KCNIP4: variants seen among roughly 807,000 people sequenced by gnomAD.
The protein encoded by KCNIP4 is potassium voltage-gated channel interacting protein 4, also known as Kv channel-interacting protein 4.
In KCNIP4, 12 loss-of-function variants were observed where a neutral mutation model predicts 34.0. That is an observed-to-expected ratio of 0.35 (90% CI 0.23 to 0.57). The LOEUF (loss-of-function observed/expected upper bound fraction) is 0.57. KCNIP4 is among the 20% of genes least tolerant of loss of function. The pLI is 0.83. For missense variants in KCNIP4, 238 were observed against 311.7 expected (o/e 0.76, Z 1.78); for synonymous variants, 124 against 102.2 (o/e 1.21, Z -1.29).
chr4:21,189,484 G>T (rs1207985876), intron 1 of KCNIP4, among the ~76,000 whole-genome samples: 1 of 152,154 alleles, frequency 6.6e-6, no homozygotes, highest in East Asian at 1.9e-4. Flanking sequence ...AGCAGTTTCT[G>T]ATCCATGCCA....
At chr4:21,683,992 G>A (rs770597679) in intron 1 of KCNIP4, among the ~76,000 whole-genome samples, 6 of 151,992 alleles carry the variant, frequency 3.9e-5, no homozygotes, top group Non-Finnish European at 8.8e-5. Flanking sequence ...GAGGGTGGGA[G>A]GAGGGAGAGG....
intron 1 of KCNIP4, among the ~76,000 whole-genome samples, chr4:21,669,472 T>TATAAAATAC (rs1370162900): frequency 1.3e-5 from 2 of 152,202 alleles, no homozygotes; most frequent in African/African-American, 2.4e-5. Context: ...ACATGTAACA[T>TATAAAATAC]ATAAAATACA....
intron 1 of KCNIP4, among the ~76,000 whole-genome samples, chr4:21,152,627 C>T (rs956012280): frequency 1.3e-5 from 2 of 151,970 alleles, no homozygotes; most frequent in African/African-American, 4.8e-5. Context: ...GATTTTCCCA[C>T]TGTCATTATT....
At chr4:21,115,913 T>C (rs1283878160) in intron 1 of KCNIP4, among the ~76,000 whole-genome samples, 5 of 152,218 alleles carry the variant, frequency 3.3e-5, no homozygotes, top group Admixed American at 3.3e-4. Context: ...AGAACATCTA[T>C]GTAACCAAAT....
rs115983930 is a variant in KCNIP4, at chr4:20,978,396, C to A, written c.62-95687G>T. Reference sequence around the variant, plus strand: ...TTCCTGTATGAAAGCAAATGGCATTCAGGTCATAATTTTCTTCAGTAACTT... The same window carrying A: ...TTCCTGTATGAAAGCAAATGGCATTAAGGTCATAATTTTCTTCAGTAACTT... On this transcript the variant is annotated intron_variant, in intron 1 of 8. Coordinates refer to ENST00000382152, the MANE Select transcript of KCNIP4 (RefSeq NM_025221.6). Among the ~76,000 whole-genome samples the A allele has an allele frequency of 6.0e-3, 914 of 152,254 alleles. 11 individuals carry two copies. The highest frequency in any genetic ancestry group is 0.021 in the African/African-American group (866 of 41,532).
At chr4:20,903,507 G>A (rs1045371109) in intron 1 of KCNIP4, among the ~76,000 whole-genome samples, 8 of 152,030 alleles carry the variant, frequency 5.3e-5, no homozygotes, top group Non-Finnish European at 1.0e-4. Context: ...GAACCTAAAC[G>A]TTTCCTTTCT....
chr4:21,186,713 C>G (rs1044318574), intron 1 of KCNIP4, among the ~76,000 whole-genome samples: 1 of 152,160 alleles, frequency 6.6e-6, no homozygotes, highest in Admixed American at 6.6e-5. Context: ...GGTGCAGTCC[C>G]ATCTCACAGC....
intron 1 of KCNIP4, among the ~76,000 whole-genome samples, chr4:21,142,002 T>C (rs1415198692): frequency 6.6e-6 from 1 of 151,178 alleles, no homozygotes. Flanking sequence ...ATACTAAAAA[T>C]TTGCGAGGTG....
intron 1 of KCNIP4, among the ~76,000 whole-genome samples, chr4:21,259,612 C>T (rs1344809505): frequency 6.6e-6 from 1 of 152,150 alleles, no homozygotes; most frequent in Non-Finnish European, 1.5e-5. Context: ...GCTTCTATTG[C>T]ATAGCAGGCC....
intron 1 of KCNIP4, among the ~76,000 whole-genome samples, chr4:21,628,417 T>A (rs1394133): frequency 1.3e-5 from 2 of 152,126 alleles, no homozygotes; most frequent in African/African-American, 4.8e-5. Flanking sequence ...CCTCAAGGTG[T>A]GTAAGTCCTA....
At chr4:21,519,442 GTA>G (rs1206304752) in intron 1 of KCNIP4, among the ~76,000 whole-genome samples, 2 of 133,662 alleles carry the variant, frequency 1.5e-5, no homozygotes, top group Non-Finnish European at 3.2e-5. Flanking sequence ...GTGTGTATAT[GTA>G]TGTGTATATA....
chr4:20,746,697 G>A lies in KCNIP4; in HGVS notation c.429+2965C>T, dbSNP rs79683749. On this transcript the variant is annotated intron_variant, in intron 5 of 8. Transcript: ENST00000382152. ...ATGTTTTAGCAGTATGAATGCTAAG[G>A]TTAAGAAGGTTAAGTACTCAGCCTA... Among the ~76,000 whole-genome samples the A allele has an allele frequency of 9.8e-4, 149 of 152,212 alleles. 1 individual carries two copies. Among genetic ancestry groups the A allele is most frequent in the African/African-American group, 3.5e-3 (144 of 41,532 alleles).
At chr4:20,977,414 TTC>T (rs1400509957) in intron 1 of KCNIP4, among the ~76,000 whole-genome samples, 3 of 152,110 alleles carry the variant, frequency 2.0e-5, no homozygotes, top group Non-Finnish European at 4.4e-5. Context: ...GCAGCATGTA[TTC>T]TCTCTCTCTG....
chr4:21,792,513 G>A (rs1413955855), intron 1 of KCNIP4, among the ~76,000 whole-genome samples: 1 of 152,208 alleles, frequency 6.6e-6, no homozygotes, highest in Non-Finnish European at 1.5e-5. Flanking sequence ...GTGTGTAAAT[G>A]TCAATACGTG....
At chr4:20,788,074 A>G (rs1712240287) in intron 3 of KCNIP4, among the ~76,000 whole-genome samples, 1 of 151,920 alleles carries the variant, frequency 6.6e-6, no homozygotes, top group African/African-American at 2.4e-5. Context: ...ATTTACTTGT[A>G]TGTATTGCTC....
intron 1 of KCNIP4, among the ~76,000 whole-genome samples, chr4:21,588,554 C>T (rs1305446727): frequency 1.3e-5 from 2 of 151,930 alleles, no homozygotes; most frequent in African/African-American, 4.8e-5. Flanking sequence ...AAATGAATTA[C>T]CTATATTTCA....
chr4:21,501,993 G>GCACACA (rs10559810), intron 1 of KCNIP4, among the ~76,000 whole-genome samples: 27 of 145,220 alleles, frequency 1.9e-4, no homozygotes, highest in African/African-American at 6.1e-4. Context: ...TCATGCACAC[G>GCACACA]CACACACACA....
At chr4:20,747,676 A>C (rs10938803) in intron 5 of KCNIP4, among the ~76,000 whole-genome samples, 1 of 151,676 alleles carries the variant, frequency 6.6e-6, no homozygotes, top group African/African-American at 2.4e-5. Context: ...TTCTCTTCTC[A>C]GTGCTATTTC....
chr4:20,960,265 T>C (rs977477296), intron 1 of KCNIP4, among the ~76,000 whole-genome samples: 8 of 152,166 alleles, frequency 5.3e-5, no homozygotes, highest in African/African-American at 1.9e-4. Context: ...GTCAAAAGTA[T>C]TTGTAAGCAT....
Sources: allele counts gnomAD v4.1 joint callset (sites outside exome capture counted in the v4.1 genomes callset), GRCh38; gene constraint gnomAD v4.1.1; transcripts MANE v1.5; gene names NCBI Gene and HGNC (gene_info 2026-07-23, HGNC 2026-07-21).